The following GNB4 variants were observed in gnomAD, a reference collection of about 807,000 sequenced individuals.
GNB4 encodes G protein subunit beta 4.
A neutral mutation model predicts 45.2 loss-of-function variants in GNB4; 28 were observed. The observed-to-expected ratio is 0.62, with a 90% CI of 0.46 to 0.85. The LOEUF (loss-of-function observed/expected upper bound fraction) is 0.85. Ranked by LOEUF, GNB4 falls within the 40% of genes least tolerant of loss-of-function variation. The pLI is 0.00. For missense variants in GNB4, 321 were observed against 425.4 expected (o/e 0.75, Z 2.16); for synonymous variants, 132 against 143.7 (o/e 0.92, Z 0.58).
At chr3:179,502,922 C>T in the GNB4 span, among the ~76,000 whole-genome samples, 46 of 152,308 alleles carry the variant, frequency 3.0e-4, no homozygotes, top group African/African-American at 1.1e-3. Flanking sequence ...TTACTGTAAC[C>T]TCAAACCCCT....
the GNB4 span, among the ~76,000 whole-genome samples, chr3:179,507,476 A>G: frequency 2.6e-5 from 4 of 152,206 alleles, no homozygotes; most frequent in African/African-American, 9.6e-5. Flanking sequence ...TAGCATGGTG[A>G]GTAGACAAAA....
chr3:179,488,311 C>CAGTGAACA, the GNB4 span, among the ~76,000 whole-genome samples: 1 of 152,204 alleles, frequency 6.6e-6, no homozygotes, highest in Non-Finnish European at 1.5e-5. Context: ...CTCCACCCCA[C>CAGTGAACA]AGTGAACATG....
the GNB4 span, among the ~76,000 whole-genome samples, chr3:179,483,463 A>G: frequency 6.6e-6 from 1 of 152,160 alleles, no homozygotes; most frequent in East Asian, 1.9e-4. Context: ...AAAACTGTGT[A>G]ATATAGTTAT....
chr3:179,436,044 T>C (rs1715438145), intron 1 of GNB4, among the ~76,000 whole-genome samples: 1 of 152,352 alleles, frequency 6.6e-6, no homozygotes, highest in Non-Finnish European at 1.5e-5. Flanking sequence ...CTAAGTTTCA[T>C]ACCAATCATG....
chr3:179,439,940 T>A (rs537765552), intron 1 of GNB4, among the ~76,000 whole-genome samples: 2 of 152,364 alleles, frequency 1.3e-5, no homozygotes, highest in South Asian at 4.1e-4. Flanking sequence ...TTAAAAGGAA[T>A]ATAGATTTTA....
intron 1 of GNB4, among the ~76,000 whole-genome samples, chr3:179,449,654 A>G (rs1440644330): frequency 1.3e-5 from 2 of 152,242 alleles, no homozygotes; most frequent in Non-Finnish European, 2.9e-5. Flanking sequence ...TGTTACTGTG[A>G]GATATAAGTA....
intron 1 of GNB4, among the ~76,000 whole-genome samples, chr3:179,441,781 C>T (rs1362523300): frequency 6.6e-6 from 1 of 151,768 alleles, no homozygotes; most frequent in Non-Finnish European, 1.5e-5. Flanking sequence ...GGGACCATCA[C>T]CCTATATACA....
chr3:179,414,460 T>C (rs535332857), intron 6 of GNB4, among the ~76,000 whole-genome samples: 18 of 152,296 alleles, frequency 1.2e-4, no homozygotes, highest in African/African-American at 3.8e-4. Context: ...TACTACACTA[T>C]TGAACTATGA....
the GNB4 span, among the ~76,000 whole-genome samples, chr3:179,461,589 G>A: frequency 2.6e-5 from 4 of 152,122 alleles, no homozygotes; most frequent in Admixed American, 2.6e-4. Flanking sequence ...GTCTACATAT[G>A]AGCTGAAATA....
At chr3:179,461,414 G>A in the GNB4 span, among the ~76,000 whole-genome samples, 1 of 151,656 alleles carries the variant, frequency 6.6e-6, no homozygotes, top group East Asian at 1.9e-4. Context: ...GGAGAATGGC[G>A]TGAACCCGGG....
At chr3:179,527,286 A>T in the GNB4 span, among the ~76,000 whole-genome samples, 5 of 152,190 alleles carry the variant, frequency 3.3e-5, no homozygotes, top group South Asian at 2.1e-4. Flanking sequence ...TACAGAAAGG[A>T]TGAAAAAGGT....
At chr3:179,524,947 A>T in the GNB4 span, among the ~76,000 whole-genome samples, 3 of 151,972 alleles carry the variant, frequency 2.0e-5, no homozygotes, top group African/African-American at 7.3e-5. Context: ...AGGGTATGGG[A>T]GTGGAGGCTG....
At chr3:179,433,065 A>C (rs1343846294) in intron 1 of GNB4, among the ~76,000 whole-genome samples, 2 of 152,164 alleles carry the variant, frequency 1.3e-5, no homozygotes, top group Non-Finnish European at 2.9e-5. Flanking sequence ...GAAGGCAGTA[A>C]ACCAAAAAAA....
chr3:179,419,970 A>C (rs1366319254), intron 3 of GNB4, among the ~76,000 whole-genome samples: 1 of 151,964 alleles, frequency 6.6e-6, no homozygotes. Context: ...TAAAAATATT[A>C]GTCTTCTTGA....
At chr3:179,511,783 C>CT in the GNB4 span, among the ~76,000 whole-genome samples, 1 of 151,994 alleles carries the variant, frequency 6.6e-6, no homozygotes, top group Non-Finnish European at 1.5e-5. Flanking sequence ...TTCTATGCCT[C>CT]TTAACACCTC....
intron 9 of GNB4, among the ~76,000 whole-genome samples, chr3:179,402,230 A>G (rs1714325356): frequency 6.6e-6 from 1 of 152,228 alleles, no homozygotes; most frequent in African/African-American, 2.4e-5. Context: ...TGAATTAGCA[A>G]TTCACAAGTC....
the GNB4 span, among the ~76,000 whole-genome samples, chr3:179,492,836 C>G: frequency 2.0e-5 from 3 of 152,174 alleles, no homozygotes; most frequent in Admixed American, 2.0e-4. Context: ...AAAAAGAAAC[C>G]AAAGGGACCC....
intron 6 of GNB4, among the ~76,000 whole-genome samples, chr3:179,414,337 A>C (rs1714734030): frequency 6.6e-6 from 1 of 152,228 alleles, no homozygotes; most frequent in South Asian, 2.1e-4. Flanking sequence ...AATGTCAGAA[A>C]AACACCATTC....
upstream of GNB4, among the ~76,000 whole-genome samples, chr3:179,454,787 T>G (rs1715954419): frequency 6.6e-6 from 1 of 152,176 alleles, no homozygotes; most frequent in Non-Finnish European, 1.5e-5. Flanking sequence ...TGAGGCCAAA[T>G]TATATACATA....
Sources: gnomAD v4.1 joint callset for allele counts (sites outside exome capture counted in the v4.1 genomes callset) on GRCh38, gnomAD v4.1.1 for gene constraint, MANE v1.5 for transcripts, NCBI Gene and HGNC (gene_info 2026-07-23, HGNC 2026-07-21) for gene names.